CADM2: variants seen among roughly 807,000 people sequenced by gnomAD.
The protein encoded by CADM2 is immunoglobulin superfamily member 4D.
In CADM2, 12 loss-of-function variants were observed where a neutral mutation model predicts 49.8. The observed-to-expected ratio is 0.24, with a 90% CI of 0.15 to 0.39. The LOEUF (loss-of-function observed/expected upper bound fraction) is 0.39, where lower values mean the gene tolerates loss of function less well. CADM2 is among the 10% of genes least tolerant of loss of function. CADM2 has a pLI of 1.00. For missense variants in CADM2, 378 were observed against 492.3 expected, an observed-to-expected ratio of 0.77 and a Z score of 2.20; for synonymous variants, 214 against 175.4, an observed-to-expected ratio of 1.22 and a Z score of -1.74.
chr3:85,379,682 T>C (rs1425099334), intron 1 of CADM2, among the ~76,000 whole-genome samples: 6 of 152,036 alleles, frequency 3.9e-5, no homozygotes. Context: ...TATTGTACCC[T>C]TCAAAGGGAT....
At chr3:85,988,985 G>T (rs1728450801) in intron 8 of CADM2, among the ~76,000 whole-genome samples, 1 of 152,150 alleles carries the variant, frequency 6.6e-6, no homozygotes, top group African/African-American at 2.4e-5. Flanking sequence ...TAAAAAGCGG[G>T]TTCTATAATG....
At chr3:84,968,475 T>G (rs1224198289) in intron 1 of CADM2, among the ~76,000 whole-genome samples, 3 of 152,016 alleles carry the variant, frequency 2.0e-5, no homozygotes, top group Non-Finnish European at 4.4e-5. Context: ...TGTATTAATG[T>G]GTAGGTGGTA....
chr3:85,178,207 C>T lies in CADM2; in HGVS notation c.61+218539C>T, dbSNP rs73845403. The stretch of plus-strand genomic sequence containing the variant: ...GCATTAAATATAGCAATTTGGCTAA[C>T]GCATATTTCAATGACTCAAATTAAA... On this transcript the variant is annotated intron_variant, in intron 1 of 9. Coordinates refer to ENST00000383699, the MANE Select transcript of CADM2 (RefSeq NM_001167675.2). Among the ~76,000 whole-genome samples, 21 of 151,880 alleles carry T rather than the reference C, an allele frequency of 1.4e-4. No individual in the cohort carries two copies. In the East Asian group the frequency reaches 1.9e-3, roughly 14 times the overall value.
At chr3:85,836,916 C>T (rs2108250546) in intron 3 of CADM2, among the ~76,000 whole-genome samples, 1 of 151,680 alleles carries the variant, frequency 6.6e-6, no homozygotes, top group Admixed American at 6.6e-5. Context: ...AAAGTTATTT[C>T]AGGTGGCTTC....
Position 85,937,284 on chromosome 3 carries a change from A to T in CADM2, c.791+1427A>T, listed in dbSNP as rs537677911. On this transcript the variant is annotated intron_variant, in intron 7 of 9. Transcript: ENST00000383699. ...TAATCCTCTGCACTGCAGATGAATG[A>T]AAAGCACAATAATTTCTTATTTATT... Among the ~76,000 whole-genome samples, 8 of 152,044 alleles carry T rather than the reference A, an allele frequency of 5.3e-5. No homozygotes were observed. In the East Asian group the frequency reaches 1.5e-3, roughly 29 times the overall value.
chr3:85,062,057 C>G (rs1180946220), intron 1 of CADM2, among the ~76,000 whole-genome samples: 1 of 151,724 alleles, frequency 6.6e-6, no homozygotes, highest in Non-Finnish European at 1.5e-5. Flanking sequence ...CTGTCTCTCT[C>G]TCTGTCTCTC....
At chr3:84,959,765 T>C (rs956566580) in intron 1 of CADM2, 97 bp downstream of exon 1, 3 of 1,184,012 alleles carry the variant, frequency 2.5e-6, no homozygotes, top group Non-Finnish European at 3.6e-6. Context: ...CCAGTCTCCC[T>C]GTCCCCAGCG....
chr3:85,646,879 T>A lies in CADM2; in HGVS notation c.62-79643T>A, dbSNP rs2064904264. Reference sequence around the variant, plus strand: ...TAATTAACACAGGGCAATAAATAAATTAATTCTTTGGACTGTCTTTATATC... The same window carrying A: ...TAATTAACACAGGGCAATAAATAAAATAATTCTTTGGACTGTCTTTATATC... On this transcript the variant is annotated intron_variant, in intron 1 of 9. Transcript: ENST00000383699. Among the ~76,000 whole-genome samples, 3 of 152,062 alleles carry A rather than the reference T, an allele frequency of 2.0e-5. No individual in the cohort carries two copies. In the East Asian group the frequency reaches 5.8e-4, roughly 29 times the overall value.
At chr3:85,549,555 G>T (rs2061748891) in intron 1 of CADM2, among the ~76,000 whole-genome samples, 1 of 152,162 alleles carries the variant, frequency 6.6e-6, no homozygotes, top group African/African-American at 2.4e-5. Flanking sequence ...ATTGGTGAAA[G>T]AGGAAACACA....
intron 1 of CADM2, among the ~76,000 whole-genome samples, chr3:85,452,363 A>AT (rs1412679404): frequency 3.9e-5 from 6 of 152,156 alleles, no homozygotes; most frequent in Non-Finnish European, 7.4e-5. Context: ...TAATACAACA[A>AT]TAGCAAAAAT....
At chr3:85,762,255 C>G (rs550981501) in intron 2 of CADM2, among the ~76,000 whole-genome samples, 1 of 152,210 alleles carries the variant, frequency 6.6e-6, no homozygotes, top group South Asian at 2.1e-4. Context: ...AATAGTCCCC[C>G]TTGAGACTCT....
intron 1 of CADM2, among the ~76,000 whole-genome samples, chr3:85,136,560 A>G (rs180744180): frequency 6.1e-4 from 93 of 152,094 alleles, no homozygotes; most frequent in African/African-American, 2.1e-3. Context: ...TAATTTATCT[A>G]TTTTCTAGAC....
intron 1 of CADM2, among the ~76,000 whole-genome samples, chr3:85,067,272 A>G (rs1387347581): frequency 1.3e-5 from 2 of 150,432 alleles, no homozygotes; most frequent in Non-Finnish European, 2.9e-5. Context: ...ATGCACATCT[A>G]ATTAAACTGT....
At chr3:86,015,056 C>A in intron 8 of CADM2, 2 of 758,054 alleles carry the variant, frequency 2.6e-6, no homozygotes. Flanking sequence ...CGGACACACA[C>A]GTTAAACCCT....
At chr3:85,421,644 C>T (rs916320860) in intron 1 of CADM2, among the ~76,000 whole-genome samples, 1 of 152,162 alleles carries the variant, frequency 6.6e-6, no homozygotes, top group African/African-American at 2.4e-5. Flanking sequence ...TCAGAATTTA[C>T]AATTCAGCAC....
At chr3:85,881,328 T>C (rs945664463) in intron 3 of CADM2, among the ~76,000 whole-genome samples, 3 of 152,160 alleles carry the variant, frequency 2.0e-5, no homozygotes, top group African/African-American at 4.8e-5. Flanking sequence ...AAAGTATTTT[T>C]ATAATGGTTG....
intron 1 of CADM2, among the ~76,000 whole-genome samples, chr3:85,578,342 C>A (rs919170107): frequency 2.4e-4 from 37 of 152,252 alleles, no homozygotes; most frequent in Admixed American, 7.2e-4. Flanking sequence ...CTGAAGAAAG[C>A]AACAAATACA....
At chr3:85,629,383 C>T (rs1237962423) in intron 1 of CADM2, among the ~76,000 whole-genome samples, 4 of 151,512 alleles carry the variant, frequency 2.6e-5, no homozygotes, top group Admixed American at 6.6e-5. Context: ...CCTGATGATA[C>T]GGATATAGCA....
chr3:85,734,529 A>G (rs1255210437), intron 2 of CADM2, among the ~76,000 whole-genome samples: 1 of 141,646 alleles, frequency 7.1e-6, no homozygotes, highest in African/African-American at 2.5e-5. Context: ...ACACACATAC[A>G]CACACATACA....
Sources: allele counts gnomAD v4.1 joint callset (sites outside exome capture counted in the v4.1 genomes callset), GRCh38; gene constraint gnomAD v4.1.1; transcripts MANE v1.5; gene names NCBI Gene and HGNC (gene_info 2026-07-23, HGNC 2026-07-21).